Variants in KCNH8 observed in about 807,000 individuals in gnomAD.
KCNH8 encodes voltage-gated delayed rectifier potassium channel KCNH8.
In KCNH8, 70 loss-of-function variants were observed where a neutral mutation model predicts 103.6. The observed-to-expected ratio is 0.68, with a 90% CI of 0.56 to 0.82. The LOEUF (loss-of-function observed/expected upper bound fraction) is 0.82. Among genes scored for constraint, KCNH8 ranks in the 40% least tolerant of loss-of-function variants. The pLI is 0.00. For missense variants in KCNH8, 1,217 were observed against 1,329.9 expected (o/e 0.92, Z 1.32); for synonymous variants, 498 against 489.4 (o/e 1.02, Z -0.23).
chr3:19,281,028 G>A lies in KCNH8; in HGVS notation c.311-170G>A, dbSNP rs184965143. 1.2e-3 allele frequency among the ~76,000 whole-genome samples: 183 copies of A among 152,238 alleles called. 1 individual carries two copies. The highest frequency in any genetic ancestry group is 2.4e-3 in the Non-Finnish European group (161 of 67,992). ...CATTTCCTTTGGAATGAAGAGAGATGTATATAGGATAGAAATTTATGGAAC... is the reference window on the plus strand; with the variant it reads ...CATTTCCTTTGGAATGAAGAGAGATATATATAGGATAGAAATTTATGGAAC... On this transcript the variant is annotated intron_variant, in intron 2 of 15. Coordinates refer to ENST00000328405, the MANE Select transcript of KCNH8 (RefSeq NM_144633.3).
intron 8 of KCNH8, among the ~76,000 whole-genome samples, chr3:19,446,804 A>C (rs1358853682): frequency 6.6e-6 from 1 of 151,982 alleles, no homozygotes; most frequent in African/African-American, 2.4e-5. Flanking sequence ...AAAAAGGAGA[A>C]AGGAAATGAA....
At chr3:19,194,275 T>C (rs1486081257) in intron 1 of KCNH8, among the ~76,000 whole-genome samples, 1 of 151,922 alleles carries the variant, frequency 6.6e-6, no homozygotes, top group African/African-American at 2.4e-5. Context: ...TAACATTTTG[T>C]GCTAGCTGTT....
At chr3:19,416,745 T>A (rs1357749041) in intron 7 of KCNH8, among the ~76,000 whole-genome samples, 1 of 152,226 alleles carries the variant, frequency 6.6e-6, no homozygotes, top group East Asian at 1.9e-4. Context: ...ATCAAATTTT[T>A]AAAAACTTCT....
At chr3:19,409,254 T>C (rs2066739134) in intron 7 of KCNH8, among the ~76,000 whole-genome samples, 1 of 152,168 alleles carries the variant, frequency 6.6e-6, no homozygotes, top group African/African-American at 2.4e-5. Context: ...AAGAGTTTTA[T>C]ATCCTGCCAA....
intron 1 of KCNH8, among the ~76,000 whole-genome samples, chr3:19,183,183 A>G (rs2063472419): frequency 6.6e-6 from 1 of 152,204 alleles, no homozygotes; most frequent in African/African-American, 2.4e-5. Flanking sequence ...GTTCTAGCCA[A>G]TGTGCTATAA....
chr3:19,220,746 C>T (rs2063865725), intron 1 of KCNH8, among the ~76,000 whole-genome samples: 1 of 152,058 alleles, frequency 6.6e-6, no homozygotes, highest in Admixed American at 6.5e-5. Context: ...TTTGGCCATC[C>T]ATCATATACT....
intron 1 of KCNH8, among the ~76,000 whole-genome samples, chr3:19,252,389 CTTTTT>C (rs200479945): frequency 1.6e-5 from 2 of 127,748 alleles, no homozygotes; most frequent in African/African-American, 5.7e-5. Context: ...GAATAGCACT[CTTTTT>C]TTTTTTCTTT....
At chr3:19,246,265 G>T (rs71613635) in intron 1 of KCNH8, among the ~76,000 whole-genome samples, 33,549 of 123,600 alleles carry the variant, frequency 0.27, 5,230 homozygotes, top group Non-Finnish European at 0.39. Flanking sequence ...AAGTTTTTTT[G>T]TTGTTGTTGT....
At chr3:19,282,490 T>C (rs1375572500) in intron 3 of KCNH8, among the ~76,000 whole-genome samples, 3 of 152,188 alleles carry the variant, frequency 2.0e-5, no homozygotes, top group Non-Finnish European at 4.4e-5. Context: ...AATAAAATTA[T>C]TCAAACATGT....
intron 5 of KCNH8, among the ~76,000 whole-genome samples, chr3:19,369,861 T>TAA (rs2066063576): frequency 6.6e-6 from 1 of 152,044 alleles, no homozygotes; most frequent in Non-Finnish European, 1.5e-5. Context: ...TTGACGCTGC[T>TAA]TCTTTAGTTT....
chr3:19,516,680 C>A (rs145893768), intron 14 of KCNH8, among the ~76,000 whole-genome samples: 2 of 152,076 alleles, frequency 1.3e-5, no homozygotes, highest in African/African-American at 4.8e-5. Context: ...CTATCACCTA[C>A]CCCTACGCTT....
chr3:19,246,305 T>G (rs780735073), intron 1 of KCNH8, among the ~76,000 whole-genome samples: 5 of 136,488 alleles, frequency 3.7e-5, no homozygotes, highest in Non-Finnish European at 6.1e-5. Flanking sequence ...TTTGATGGAG[T>G]CTCGCTCTGT....
intron 11 of KCNH8, among the ~76,000 whole-genome samples, chr3:19,482,888 C>T (rs934192666): frequency 1.3e-5 from 2 of 152,172 alleles, no homozygotes; most frequent in African/African-American, 4.8e-5. Context: ...ATAGTCAAGG[C>T]TCTGCCGGTT....
intron 1 of KCNH8, among the ~76,000 whole-genome samples, chr3:19,200,528 G>A (rs1317644283): frequency 1.3e-5 from 2 of 149,908 alleles, no homozygotes; most frequent in East Asian, 1.9e-4. Context: ...TTTTTTCCTG[G>A]AAGAATGTTT....
chr3:19,388,405 G>C (rs2066388659), intron 5 of KCNH8, among the ~76,000 whole-genome samples: 1 of 152,044 alleles, frequency 6.6e-6, no homozygotes, highest in South Asian at 2.1e-4. Context: ...GAGGAAGAAT[G>C]AATGTTCACA....
chr3:19,487,284 T>C (rs2068230603), intron 11 of KCNH8, among the ~76,000 whole-genome samples: 1 of 152,174 alleles, frequency 6.6e-6, no homozygotes, highest in African/African-American at 2.4e-5. Flanking sequence ...GTAAACCAAC[T>C]GTCCTTAGCA....
At chr3:19,362,833 GT>G (rs984594605) in intron 5 of KCNH8, among the ~76,000 whole-genome samples, 1 of 151,822 alleles carries the variant, frequency 6.6e-6, no homozygotes, top group African/African-American at 2.4e-5. Context: ...TAATTTTGTT[GT>G]TTTTTTGTAG....
At position 19,390,465 on chromosome 3, in the gene KCNH8, T is replaced by C; in HGVS notation, c.812-16T>C. On this transcript the variant is annotated splice_polypyrimidine_tract_variant and intron_variant, in intron 5 of 15. Transcript: ENST00000328405. Reference sequence around the variant, plus strand: ...GTCTCTTCCTTTTATTTCTCAACCTTTTTTTTCCCAAGCAGATATTATTTT... The same window carrying C: ...GTCTCTTCCTTTTATTTCTCAACCTCTTTTTTCCCAAGCAGATATTATTTT... 6.3e-7 allele frequency: 1 copy of C among 1,594,804 alleles called. No individual in the cohort carries two copies. Among genetic ancestry groups the C allele is most frequent in the Non-Finnish European group, 8.6e-7 (1 of 1,167,300 alleles).
intron 1 of KCNH8, among the ~76,000 whole-genome samples, chr3:19,154,941 T>C (rs1346384298): frequency 6.6e-6 from 1 of 152,210 alleles, no homozygotes; most frequent in Admixed American, 6.5e-5. Context: ...AATACAAACA[T>C]CAAAGATGAG....
Sources: allele counts gnomAD v4.1 joint callset (sites outside exome capture counted in the v4.1 genomes callset), GRCh38; gene constraint gnomAD v4.1.1; transcripts MANE v1.5; gene names NCBI Gene and HGNC (gene_info 2026-07-23, HGNC 2026-07-21).